Variants in NRBP1 observed in about 807,000 individuals in gnomAD.
The protein encoded by NRBP1 is nuclear receptor-binding protein.
Under a neutral mutation model 76.0 loss-of-function variants are expected in NRBP1, and 10 were observed. The observed-to-expected ratio is 0.13, with a 90% confidence interval of 0.08 to 0.22. The LOEUF (loss-of-function observed/expected upper bound fraction) is 0.22. NRBP1 is among the 10% of genes least tolerant of loss of function. The pLI is 1.00. For missense variants in NRBP1, 344 were observed against 646.0 expected, an observed-to-expected ratio of 0.53 and a Z score of 5.07; for synonymous variants, 235 against 240.2, an observed-to-expected ratio of 0.98 and a Z score of 0.20.
In NRBP1 at chr2:27,440,960, G is replaced by C; in HGVS notation, c.1329+20G>C. 6.2e-7 allele frequency: 1 copy of C among 1,612,742 alleles called. No homozygotes were observed. Among genetic ancestry groups the C allele is most frequent in the South Asian group, 1.1e-5 (1 of 91,024 alleles). ...CGCAAGGTGGGGGCTGTGTGGGTGT[G>C]GATTGTCTCCATGGTTGTGGTGGAA... On this transcript the variant is annotated intron_variant, in intron 14 of 17. Coordinates refer to ENST00000379852, the MANE Select transcript of NRBP1 (RefSeq NM_013392.4).
rs1043151818 is a variant in NRBP1 at position 27,428,922 on chromosome 2, C to G, written c.-21+191C>G. Among the ~76,000 whole-genome samples, 7 of 152,024 alleles carry G rather than the reference C, an allele frequency of 4.6e-5. 1 individual carries two copies. The highest frequency in any genetic ancestry group is 1.0e-4 in the Non-Finnish European group (7 of 67,956). ...GGCCGCTTCGGCCCCGCAGTCGCTG[C>G]TTAGCCCTCCCTGGCGTCTCTGGCT... On this transcript the variant is annotated intron_variant, in intron 1 of 17. Coordinates refer to ENST00000379852, the MANE Select transcript of NRBP1 (RefSeq NM_013392.4).
rs1401603040 is a variant in NRBP1, at chr2:27,442,119, C to T, written c.*307C>T. ...CCAGCCTGTGTGGAAAGGAGGCCCA[C>T]GGGCACTAGGGGAGCCGAATTCTAC... is the stretch of plus-strand genomic sequence containing the variant. On this transcript the variant is annotated 3_prime_UTR_variant, in exon 18 of 18. Transcript: ENST00000379852. 1.5e-5 allele frequency: 8 copies of T among 529,252 alleles called. No individual in the cohort carries two copies. The highest frequency in any genetic ancestry group is 4.9e-4 in the Middle Eastern group (1 of 2,038). The allele number at this position is 529,252 out of a possible 1,614,324, so 32.8% of individuals were successfully genotyped here.
intron 12 of NRBP1, 64 bp downstream of exon 12, chr2:27,440,572 C>G: frequency 6.2e-7 from 1 of 1,600,864 alleles, no homozygotes; most frequent in South Asian, 1.1e-5. Flanking sequence ...GCTCTGTAAA[C>G]TGTCCATTCT....
At chr2:27,440,080 C>G (rs1342565271) in intron 11 of NRBP1, among the ~76,000 whole-genome samples, 182 bp downstream of exon 11, 1 of 131,656 alleles carries the variant, frequency 7.6e-6, no homozygotes, top group East Asian at 2.8e-4. Context: ...GGCTTGATCT[C>G]AGCTCATTGC....
At chr2:27,440,277 G>A in intron 11 of NRBP1, 126 bp from the exon 12 acceptor site, 1 of 711,200 alleles carries the variant, frequency 1.4e-6, no homozygotes, top group Non-Finnish European at 2.5e-6. Flanking sequence ...CCAAAGTGCT[G>A]GGATTACAGG....
intron 10 of NRBP1, among the ~76,000 whole-genome samples, chr2:27,437,643 G>A (rs756405180): frequency 3.9e-5 from 6 of 152,164 alleles, no homozygotes; most frequent in Non-Finnish European, 8.8e-5. Context: ...AGGCCGAGGC[G>A]GGCGGATCAC....
chr2:27,428,860 C>A, intron 1 of NRBP1, 129 bp downstream of exon 1: 1 of 397,596 alleles, frequency 2.5e-6, no homozygotes, highest in East Asian at 3.6e-5. Context: ...CACTCAGTAG[C>A]CCAGGCCCGA....
intron 4 of NRBP1, 49 bp from the exon 5 acceptor site, chr2:27,434,422 G>A (rs1664230211): frequency 8.1e-7 from 1 of 1,228,222 alleles, no homozygotes; most frequent in Non-Finnish European, 1.2e-6. Context: ...AACAAGGGAA[G>A]GGATCATTTC....
At position 27,433,327 on chromosome 2, in the gene NRBP1, A is replaced by G; in HGVS notation, c.54A>G (p.Val18=). The G allele has an allele frequency of 2.5e-6, 4 of 1,614,242 alleles. No individual in the cohort carries two copies. The highest frequency in any genetic ancestry group is 3.4e-6 in the Non-Finnish European group (4 of 1,180,042). Residue 18 remains valine, a synonymous_variant, in exon 2 of 18, where the codon GTA becomes GTG. Coordinates refer to ENST00000379852, the MANE Select transcript of NRBP1 (RefSeq NM_013392.4). ...TVLSSGSDPK[V]ESSSSAPGLT... is the part of the protein sequence containing the mutation. ...TTAGCAGTGGCTCAGACCCAAAGGT[A>G]GAATCCTCATCTTCAGCTCCTGGCC...
intron 8 of NRBP1, 47 bp downstream of exon 8, chr2:27,436,883 G>A: frequency 6.4e-7 from 1 of 1,562,586 alleles, no homozygotes; most frequent in Non-Finnish European, 8.8e-7. Flanking sequence ...CCCTGCTTTT[G>A]CACCTTATAA....
chr2:27,436,007 T>C (rs886735303), intron 7 of NRBP1: 6 of 579,330 alleles, frequency 1.0e-5, no homozygotes, highest in Admixed American at 6.0e-5. Flanking sequence ...TCCCAGATCA[T>C]ACTGTGCTCC....
chr2:27,428,635 G>C lies in NRBP1; in HGVS notation c.-117G>C, dbSNP rs1176224494. The C allele has an allele frequency of 7.5e-6, 3 of 397,944 alleles. No homozygotes were observed. The highest frequency in any genetic ancestry group is 1.3e-5 in the Non-Finnish European group (3 of 225,658). 24.7% of individuals were successfully genotyped at this position (397,944 alleles called of 1,614,324 possible). ...CGAGGGCGGGGCCCGCAGTTCGGTT[G>C]CGCTGCGGAGCGCAGCTGTGAGGGA... On this transcript the variant is annotated 5_prime_UTR_variant, in exon 1 of 18. Transcript: ENST00000379852.
chr2:27,436,849 G>A lies in NRBP1; in HGVS notation c.745+13G>A, dbSNP rs772871233. On this transcript the variant is annotated intron_variant, in intron 8 of 17. Transcript: ENST00000379852. ...CCAGAGTATGGAGGTGAGCCTTCCT[G>A]CTTTCTCTGCCCTGTCCTCATCCCC... 11 of 1,610,452 alleles carry A rather than the reference G, an allele frequency of 6.8e-6. No individual in the cohort carries two copies. Among genetic ancestry groups the A allele is most frequent in the Non-Finnish European group, 8.5e-6 (10 of 1,176,760 alleles).
In NRBP1 at chr2:27,441,335, GTCTC is replaced by G; in HGVS notation, c.1447+8_1447+11del. 1 of 1,613,700 alleles carries G rather than the reference GTCTC, an allele frequency of 6.2e-7. No individual in the cohort carries two copies. On this transcript the variant is annotated splice_donor_region_variant and intron_variant, in intron 16 of 17. Transcript: ENST00000379852. ...TGAGCTGTGACCTGATGCCAAGTGA[GTCTC>G]TCCTTTCCCTCAGAGGATGGAGAGT...
Position 27,440,959 on chromosome 2 carries a change from T to A in NRBP1, c.1329+19T>A, listed in dbSNP as rs1558340483. The A allele has an allele frequency of 6.2e-7, 1 of 1,612,710 alleles. No individual in the cohort carries two copies. Among genetic ancestry groups the A allele is most frequent in the Admixed American group, 1.7e-5 (1 of 60,014 alleles). The stretch of plus-strand genomic sequence containing the variant: ...TCGCAAGGTGGGGGCTGTGTGGGTG[T>A]GGATTGTCTCCATGGTTGTGGTGGA... On this transcript the variant is annotated intron_variant, in intron 14 of 17. Coordinates refer to ENST00000379852, the MANE Select transcript of NRBP1 (RefSeq NM_013392.4).
intron 12 of NRBP1, 34 bp from the exon 13 acceptor site, chr2:27,440,617 CT>C (rs1331037098): frequency 6.2e-7 from 1 of 1,613,518 alleles, no homozygotes; most frequent in Non-Finnish European, 8.5e-7. Flanking sequence ...TTGCTTGTTT[CT>C]TTCCTTCCAT....
chr2:27,441,474 T>C (rs1026155134), intron 16 of NRBP1, 93 bp from the exon 17 acceptor site: 2 of 1,483,410 alleles, frequency 1.3e-6, no homozygotes, highest in Non-Finnish European at 1.9e-6. Context: ...AGTGGGTGGA[T>C]CTGACTGACA....
chr2:27,434,653 G>A (rs1664238375), intron 5 of NRBP1, 69 bp from the exon 6 acceptor site: 9 of 1,598,090 alleles, frequency 5.6e-6, no homozygotes, highest in South Asian at 4.4e-5. Flanking sequence ...AGGAAGGGAC[G>A]GAAGGAGCTA....
In NRBP1 at chr2:27,439,636, ATTG is replaced by A. The variant is rs1558338916; in HGVS notation, c.904-127_904-125del. 1.2e-5 allele frequency: 12 copies of A among 963,312 alleles called. No individual in the cohort carries two copies. The Admixed American group carries it at 1.9e-4, about 15-fold the overall frequency. 59.7% of individuals were successfully genotyped at this position (963,312 alleles called of 1,614,324 possible). ...CCCTTTCAGGTGCATTTTTCAATAT[ATTG>A]TTTTCTCAGCAAGTGCTGAGCACCT... On this transcript the variant is annotated intron_variant, in intron 10 of 17. Transcript: ENST00000379852.
Sources: gnomAD v4.1 joint callset for allele counts (sites outside exome capture counted in the v4.1 genomes callset) on GRCh38, gnomAD v4.1.1 for gene constraint, MANE v1.5 for transcripts, NCBI Gene and HGNC (gene_info 2026-07-23, HGNC 2026-07-21) for gene names.